Variants in SLC4A1 observed in about 807,000 individuals in gnomAD.
The protein encoded by SLC4A1 is band 3 anion transport protein.
Under a neutral mutation model 93.1 loss-of-function variants are expected in SLC4A1, and 29 were observed. That is an observed-to-expected ratio of 0.31 (90% CI 0.23 to 0.42). SLC4A1 has a LOEUF of 0.42. Ranked by LOEUF, SLC4A1 falls within the 20% of genes least tolerant of loss-of-function variation. SLC4A1 has a pLI of 1.00. For synonymous variants in SLC4A1, 469 were observed against 497.2 expected, an observed-to-expected ratio of 0.94 and a Z score of 0.76; for missense variants, 965 against 1,190.1, an observed-to-expected ratio of 0.81 and a Z score of 2.78.
At chr17:44,262,991 C>T (rs1252553239) in intron 1 of SLC4A1, 57 bp from the exon 2 acceptor site, 10 of 1,466,598 alleles carry the variant, frequency 6.8e-6, no homozygotes, top group African/African-American at 2.8e-5. Context: ...TCTCCTGGTC[C>T]TCCTCCAGAG....
Position 44,251,202 on chromosome 17 carries a change from C to T in SLC4A1, c.2612G>A (p.Arg871His), listed in dbSNP as rs781396793. Residue 871 changes from arginine to histidine, a missense_variant, in exon 19 of 20, where the codon CGC becomes CAC. Coordinates refer to ENST00000262418, the MANE Select transcript of SLC4A1 (RefSeq NM_000342.4). ...CCTGAAGATGAGCGGCAGCAGGACG[C>T]GCCGCAGCGGCACAGTGAGGATGAG... ...FVLILTVPLR[R>H]VLLPLIFRNV... 6.2e-6 allele frequency: 10 copies of T among 1,612,892 alleles called. No homozygotes were observed. The highest frequency in any genetic ancestry group is 1.7e-5 in the Admixed American group (1 of 59,766).
intron 16 of SLC4A1, 34 bp downstream of exon 16, chr17:44,254,462 C>G: frequency 8.1e-7 from 1 of 1,234,938 alleles, no homozygotes; most frequent in Non-Finnish European, 1.2e-6. Context: ...CTGCCTCCCA[C>G]CCTCCCAGGC....
rs367642537 is a variant in SLC4A1 at position 44,262,030 on chromosome 17, C to CCTCAATGAGCCCGTCAGCACAGTGT, written c.107-419_107-395dup. 2.5e-6 allele frequency: 3 copies of CCTCAATGAGCCCGTCAGCACAGTGT among 1,182,990 alleles called. No homozygotes were observed. In the African/African-American group the frequency reaches 4.8e-5, roughly 19 times the overall value. The allele number at this position is 1,182,990 out of a possible 1,614,324, so 73.3% of individuals were successfully genotyped here. A position where few individuals can be genotyped will look rare whatever the true frequency, so the allele number is the denominator to read the frequency against. The stretch of plus-strand genomic sequence containing the variant: ...AGACTCCCTTCTCTCCTCCCACCTG[C>CCTCAATGAGCCCGTCAGCACAGTGT]CTCAATGAGCCCGTCAGCACAGTGT... On this transcript the variant is annotated intron_variant, in intron 3 of 19. Transcript: ENST00000262418.
intron 14 of SLC4A1, 67 bp from the exon 15 acceptor site, chr17:44,255,363 C>T: frequency 8.2e-7 from 1 of 1,215,738 alleles, no homozygotes; most frequent in Non-Finnish European, 1.2e-6. Flanking sequence ...TTCCTCCTGC[C>T]CTATATTCAC....
At position 44,262,984 on chromosome 17, in the gene SLC4A1, C is replaced by T. The variant is rs553496407; in HGVS notation, c.-68-50G>A. 2.5e-5 allele frequency: 38 copies of T among 1,506,048 alleles called. No homozygotes were observed. In the African/African-American group the frequency reaches 5.2e-4, roughly 21 times the overall value. The allele number at this position is 1,506,048 out of a possible 1,614,324, so 93.3% of individuals were successfully genotyped here. A position where few individuals can be genotyped will look rare whatever the true frequency, so the allele number is the denominator to read the frequency against. On this transcript the variant is annotated intron_variant, in intron 1 of 19. Transcript: ENST00000262418. ...TGGGGCACAGGGCATCCCAGGGTCT[C>T]CTGGTCCTCCTCCAGAGGGGGCCAC... is the stretch of plus-strand genomic sequence containing the variant.
chr17:44,265,300 G>A (rs1205937421), intron 1 of SLC4A1, among the ~76,000 whole-genome samples: 1 of 152,114 alleles, frequency 6.6e-6, no homozygotes, highest in Non-Finnish European at 1.5e-5. Context: ...AGAAGAGCAG[G>A]ACGCGTTTGC....
chr17:44,259,819 A>G lies in SLC4A1; in HGVS notation c.599T>C (p.Phe200Ser). ...CTGTAACTGACTCACCTGCTCACAGAAGAGCTGTGTCTCCAGTGAGGAGTG... is the reference window on the plus strand; with the variant it reads ...CTGTAACTGACTCACCTGCTCACAGGAGAGCTGTGTCTCCAGTGAGGAGTG... Reference protein sequence around the residue: ...PQHSSLETQLFCEQGDGGTEG... With the variant: ...PQHSSLETQLSCEQGDGGTEG... The change falls in exon 7 of 20, where the codon TTC becomes TCC. Residue 200 changes from phenylalanine to serine, a missense_variant. Phe to Ser is a radical substitution (Grantham distance 155). This residue lies in a region of SLC4A1 where 770 missense variants were observed against 1,006.6 expected (regional missense o/e 0.76). Coordinates refer to ENST00000262418, the MANE Select transcript of SLC4A1 (RefSeq NM_000342.4). The G allele has an allele frequency of 1.2e-6, 2 of 1,614,020 alleles. No individual in the cohort carries two copies. Among genetic ancestry groups the G allele is most frequent in the Non-Finnish European group, 1.7e-6 (2 of 1,180,000 alleles).
intron 1 of SLC4A1, 133 bp downstream of exon 1, chr17:44,267,921 C>T (rs190550725): frequency 1.1e-3 from 279 of 250,006 alleles, no homozygotes; most frequent in Non-Finnish European, 1.7e-3. Context: ...GTAACATTCT[C>T]ACCCCACCCA....
intron 1 of SLC4A1, among the ~76,000 whole-genome samples, chr17:44,263,170 C>T (rs529545867): frequency 9.9e-5 from 15 of 152,234 alleles, no homozygotes; most frequent in East Asian, 7.7e-4. Flanking sequence ...CTGGCACCAG[C>T]GAAGGATGTT....
chr17:44,255,228 G>A lies in SLC4A1; in HGVS notation c.1869C>T (p.Phe623=). 6.4e-7 allele frequency: 1 copy of A among 1,557,410 alleles called. No homozygotes were observed. The highest frequency in any genetic ancestry group is 8.7e-7 in the Non-Finnish European group (1 of 1,149,580). Residue 623 remains phenylalanine (F), a synonymous_variant, in exon 15 of 20, where the codon TTC becomes TTT. Transcript: ENST00000262418. ...TCACCTGGGTGTAGGTATCCTGAAT[G>A]AAGAAATCCACCAGGACCATGATCA... The part of the protein sequence containing the change: ...SILIMVLVDF[F]IQDTYTQKLS...
chr17:44,260,659 C>T lies in SLC4A1; in HGVS notation c.325G>A (p.Glu109Lys), dbSNP rs1308401874. The T allele has an allele frequency of 1.9e-6, 3 of 1,614,190 alleles. No individual in the cohort carries two copies. The highest frequency in any genetic ancestry group is 2.5e-6 in the Non-Finnish European group (3 of 1,180,022). The change falls in exon 5 of 20, where the codon GAG (glutamate) becomes AAG (lysine). Residue 109 changes from glutamate (E) to lysine (K), a missense_variant. Physicochemically the swap from Glu to Lys is moderately conservative, Grantham distance 56. Coordinates refer to ENST00000262418, the MANE Select transcript of SLC4A1 (RefSeq NM_000342.4). ...CCCTTGGTGAAGACTCTACGCAGCT[C>T]TAGGAGGCTCCAGAAGGTGAGGTGA... is the stretch of plus-strand genomic sequence containing the variant. ...LSHLTFWSLL[E>K]LRRVFTKGTV...
chr17:44,265,864 C>T (rs1052021519), intron 1 of SLC4A1, among the ~76,000 whole-genome samples: 6 of 152,004 alleles, frequency 3.9e-5, no homozygotes, highest in Non-Finnish European at 8.8e-5. Context: ...GCCTGTAATC[C>T]CAGCTACTCA....
At position 44,262,619 on chromosome 17, in the gene SLC4A1, G is replaced by T. The variant is rs1325853354; in HGVS notation, c.106+17C>A. 1.3e-6 allele frequency: 2 copies of T among 1,590,538 alleles called. No homozygotes were observed. The highest frequency in any genetic ancestry group is 1.7e-6 in the Non-Finnish European group (2 of 1,163,810). ...GCTCAGCAGCTCATCCCAGCTGAGG[G>T]AGGGAGAGGGGCTCACCTGCCGGCT... is the stretch of plus-strand genomic sequence containing the variant. On this transcript the variant is annotated intron_variant, in intron 3 of 19. Transcript: ENST00000262418.
Position 44,259,285 on chromosome 17 carries a change from C to A in SLC4A1, c.754G>T (p.Glu252Ter). Reference sequence around the variant, plus strand: ...ACCGGCAGCTCCACCGCCTCCAGCTCCGCTGCCTCCTGCAGCCTCACGAAG... The same window carrying A: ...ACCGGCAGCTCCACCGCCTCCAGCTACGCTGCCTCCTGCAGCCTCACGAAG... The part of the protein sequence containing the change: ...LGFVRLQEAA[E>*]LEAVELPVPI... Residue 252 changes from glutamate to a stop codon, truncating the protein, a stop_gained, in exon 9 of 20, where the codon GAG becomes TAG. Coordinates refer to ENST00000262418, the MANE Select transcript of SLC4A1 (RefSeq NM_000342.4). LOFTEE classifies it high-confidence loss of function. 6.2e-7 allele frequency: 1 copy of A among 1,614,008 alleles called. No homozygotes were observed. The highest frequency in any genetic ancestry group is 8.5e-7 in the Non-Finnish European group (1 of 1,180,028).
At chr17:44,266,746 C>T (rs1266810468) in intron 1 of SLC4A1, among the ~76,000 whole-genome samples, 1 of 152,202 alleles carries the variant, frequency 6.6e-6, no homozygotes, top group African/African-American at 2.4e-5. Context: ...CAGATCGCTG[C>T]CCCAAGTTTT....
At chr17:44,259,438 C>A in intron 8 of SLC4A1, 59 bp downstream of exon 8, 1 of 1,602,158 alleles carries the variant, frequency 6.2e-7, no homozygotes, top group Non-Finnish European at 8.6e-7. Flanking sequence ...GAGGGAAAGA[C>A]AGGCTGAGCC....
chr17:44,255,131 A>AG, intron 15 of SLC4A1, 76 bp downstream of exon 15: 8 of 978,352 alleles, frequency 8.2e-6, no homozygotes, highest in Non-Finnish European at 1.1e-5. Context: ...AAGCTATTCT[A>AG]GGGAAGGGGC....
intron 1 of SLC4A1, 85 bp downstream of exon 1, chr17:44,267,968 TG>T: frequency 2.8e-6 from 2 of 705,750 alleles, no homozygotes; most frequent in Non-Finnish European, 3.5e-6. Flanking sequence ...CTGGCCCACC[TG>T]GGCATAGATT....
rs371106409 is a variant in SLC4A1 at position 44,258,464 on chromosome 17, G to A, written c.1036C>T (p.Arg346Cys). The A allele has an allele frequency of 1.5e-5, 24 of 1,613,878 alleles. No homozygotes were observed. The highest frequency in any genetic ancestry group is 6.7e-5 in the East Asian group (3 of 44,886). ...VPVQRELLRR[R>C]YQSSPAKPDS... ...GGCTTGGCAGGGCTGGACTGATAGC[G>A]CCTTCGAAGTAGCTCCCTCTGCACA... is the stretch of plus-strand genomic sequence containing the variant. The change falls in exon 10 of 20, where the codon CGC (arginine) becomes TGC (cysteine). Residue 346 changes from arginine (R) to cysteine (C), a missense_variant. By Grantham distance (180) the Arg-to-Cys change is radical. Coordinates refer to ENST00000262418, the MANE Select transcript of SLC4A1 (RefSeq NM_000342.4). The surrounding 1 kb of genome is among the most constrained non-coding windows in gnomAD (Gnocchi z 6.1).
Sources: gnomAD v4.1 joint callset for allele counts (sites outside exome capture counted in the v4.1 genomes callset) on GRCh38, gnomAD v4.1.1 for gene constraint, gnomAD v4.1.1 regional missense constraint, Gnocchi (gnomAD v3.1) non-coding constraint, MANE v1.5 for transcripts, NCBI Gene and HGNC (gene_info 2026-07-23, HGNC 2026-07-21) for gene names.